Variants in USP37 observed in about 807,000 individuals in gnomAD.
The protein encoded by USP37 is ubiquitin carboxyl-terminal hydrolase 37.
Under a neutral mutation model 124.0 loss-of-function variants are expected in USP37, and 27 were observed. That is an observed-to-expected ratio of 0.22 (90% CI 0.16 to 0.30). The LOEUF (loss-of-function observed/expected upper bound fraction) is 0.30, where lower values mean the gene tolerates loss of function less well. Ranked by LOEUF, USP37 falls within the 10% of genes least tolerant of loss-of-function variation. The probability of loss-of-function intolerance (pLI) is 1.00; values close to 1 mark genes in which losing one functional copy is unlikely to be tolerated. For synonymous variants in USP37, 365 were observed against 388.0 expected, an observed-to-expected ratio of 0.94 and a Z score of 0.70; for missense variants, 889 against 1,140.4, an observed-to-expected ratio of 0.78 and a Z score of 3.17.
At chr2:218,545,807 A>G (rs532293366) in intron 8 of USP37, among the ~76,000 whole-genome samples, 2 of 152,318 alleles carry the variant, frequency 1.3e-5, no homozygotes, top group East Asian at 3.9e-4. Context: ...TGCCTAGAAC[A>G]CATAGGCTCA....
chr2:218,469,814 C>CTTTTTTTTTTTTTTTTTT (rs71064451), intron 20 of USP37, among the ~76,000 whole-genome samples: 1 of 64,646 alleles, frequency 1.5e-5, no homozygotes. Flanking sequence ...ACTCAACATT[C>CTTTTTTTTTTTTTTTTTT]TTTTTTTTTT....
chr2:218,524,170 T>C (rs1690820657), intron 10 of USP37, among the ~76,000 whole-genome samples: 1 of 152,234 alleles, frequency 6.6e-6, no homozygotes, highest in Non-Finnish European at 1.5e-5. Context: ...TAAAATTTTA[T>C]TTTGGATTTT....
At chr2:218,478,618 A>G (rs1394736383) in intron 18 of USP37, among the ~76,000 whole-genome samples, 1 of 152,244 alleles carries the variant, frequency 6.6e-6, no homozygotes, top group Non-Finnish European at 1.5e-5. Flanking sequence ...ATGATGCCCA[A>G]TGAAATCATT....
In USP37 at chr2:218,454,745, CA is replaced by C. The variant is rs1176845462; in HGVS notation, c.*184del. 2 of 1,285,878 alleles carry C rather than the reference CA, an allele frequency of 1.6e-6. No homozygotes were observed. The highest frequency in any genetic ancestry group is 5.3e-5 in the East Asian group (2 of 38,074). The allele number at this position is 1,285,878 out of a possible 1,614,324, so 79.7% of individuals were successfully genotyped here. ...GGATAATCAGCTACGGATGTGAGAC[CA>C]AAGTTTCCATAAAATAGCATGGAGC... On this transcript the variant is annotated 3_prime_UTR_variant, in exon 26 of 26. Coordinates refer to ENST00000258399, the MANE Select transcript of USP37 (RefSeq NM_020935.3).
chr2:218,451,371 C>T lies in USP37; in HGVS notation c.*3559G>A, dbSNP rs1182316175. 6.6e-6 allele frequency: 1 copy of T among 152,150 alleles called. No homozygotes were observed. Among genetic ancestry groups the T allele is most frequent in the Non-Finnish European group, 1.5e-5 (1 of 68,034 alleles). 9.4% of individuals were successfully genotyped at this position (152,150 alleles called of 1,614,324 possible). ...GCCCCCTGTTTAAAACAAAAGACCA[C>T]CTCGGGGGGTCAATTAAATTAAAAA... On this transcript the variant is annotated 3_prime_UTR_variant, in exon 26 of 26. Transcript: ENST00000258399.
chr2:218,556,891 C>T (rs1219515665), intron 4 of USP37, among the ~76,000 whole-genome samples: 3 of 151,924 alleles, frequency 2.0e-5, no homozygotes, highest in Admixed American at 2.0e-4. Flanking sequence ...CCCCCAACCA[C>T]CCTGTTTCTT....
chr2:218,479,603 C>A (rs777444060), intron 18 of USP37, 47 bp downstream of exon 18: 1 of 1,551,398 alleles, frequency 6.4e-7, no homozygotes, highest in Non-Finnish European at 8.9e-7. Context: ...TTAGGGTAAG[C>A]CAAAACCTTA....
intron 11 of USP37, among the ~76,000 whole-genome samples, chr2:218,499,266 T>A (rs752148543): frequency 6.0e-5 from 9 of 149,232 alleles, no homozygotes; most frequent in Non-Finnish European, 1.3e-4. Flanking sequence ...AGAGCAAGAC[T>A]ATGTTTTTTA....
Position 218,544,386 on chromosome 2 carries a change from C to CAAAA in USP37, c.680+1831_680+1834dup, listed in dbSNP as rs1163366372. ...GGTGACAGAACAAGACTCCGTTTCA[C>CAAAA]AAAAAAAAAAAAAAAAAAAAATATA... On this transcript the variant is annotated intron_variant, in intron 8 of 25. Coordinates refer to ENST00000258399, the MANE Select transcript of USP37 (RefSeq NM_020935.3). 2.5e-3 allele frequency among the ~76,000 whole-genome samples: 65 copies of CAAAA among 25,784 alleles called. 2 individuals are homozygous for CAAAA. The highest frequency in any genetic ancestry group is 6.0e-3 in the African/African-American group (16 of 2,658). The allele number at this position is 25,784 out of a possible 152,430, so 16.9% of individuals were successfully genotyped here. A position where few individuals can be genotyped will look rare whatever the true frequency, so the allele number is the denominator to read the frequency against.
At chr2:218,464,257 C>CA (rs1397069489) in intron 21 of USP37, among the ~76,000 whole-genome samples, 1 of 150,400 alleles carries the variant, frequency 6.6e-6, no homozygotes, top group Non-Finnish European at 1.5e-5. Flanking sequence ...TTTTTTGAGA[C>CA]AGAGTCTTGC....
At chr2:218,497,901 T>C in intron 12 of USP37, 44 bp from the exon 13 acceptor site, 1 of 1,591,094 alleles carries the variant, frequency 6.3e-7, no homozygotes, top group Non-Finnish European at 8.5e-7. Context: ...TTACATGACA[T>C]GGCGTGATAT....
intron 8 of USP37, among the ~76,000 whole-genome samples, chr2:218,544,422 T>TAGAGAGAGAG (rs1262801588): frequency 9.4e-4 from 53 of 56,310 alleles, no homozygotes; most frequent in Admixed American, 7.8e-3. Context: ...TATATATATA[T>TAGAGAGAGAG]ATATATATAG....
chr2:218,551,325 C>T (rs1692654438), intron 5 of USP37, among the ~76,000 whole-genome samples: 1 of 152,222 alleles, frequency 6.6e-6, no homozygotes, highest in Non-Finnish European at 1.5e-5. Flanking sequence ...TGCCCAAGAT[C>T]ACAGAATGAA....
chr2:218,484,863 A>G (rs1243681624), intron 16 of USP37, among the ~76,000 whole-genome samples: 1 of 152,224 alleles, frequency 6.6e-6, no homozygotes, highest in Non-Finnish European at 1.5e-5. Context: ...ATTCTTGGAA[A>G]GAACTAAAAG....
intron 20 of USP37, among the ~76,000 whole-genome samples, chr2:218,467,156 A>T (rs978943222): frequency 2.0e-5 from 3 of 151,832 alleles, no homozygotes; most frequent in Non-Finnish European, 4.4e-5. Flanking sequence ...ACATTCAGGA[A>T]GGTAAGAAAT....
rs1004083374 is a variant in USP37 at position 218,453,331 on chromosome 2, C to T, written c.*1599G>A. 3 of 151,958 alleles carry T rather than the reference C, an allele frequency of 2.0e-5. No homozygotes were observed. The highest frequency in any genetic ancestry group is 7.3e-5 in the African/African-American group (3 of 41,362). The allele number at this position is 151,958 out of a possible 1,614,324, so 9.4% of individuals were successfully genotyped here. On this transcript the variant is annotated 3_prime_UTR_variant, in exon 26 of 26. Transcript: ENST00000258399. Reference sequence around the variant, plus strand: ...AGACTGCAGTGCAATGATGCGATCTCAGCTCACTGCAACCTCTGCCTCCTG... The same window carrying T: ...AGACTGCAGTGCAATGATGCGATCTTAGCTCACTGCAACCTCTGCCTCCTG...
chr2:218,565,742 T>C (rs888139158), intron 1 of USP37, among the ~76,000 whole-genome samples: 7 of 152,190 alleles, frequency 4.6e-5, no homozygotes, highest in Admixed American at 2.0e-4. Flanking sequence ...TAATCACACA[T>C]GTAAATATAT....
chr2:218,495,690 G>A (rs1689046647), intron 14 of USP37, 70 bp downstream of exon 14: 1 of 1,477,596 alleles, frequency 6.8e-7, no homozygotes, highest in Non-Finnish European at 9.1e-7. Context: ...CATTTGGTAT[G>A]TCATAGAAGA....
chr2:218,469,046 C>T (rs1054297157), intron 20 of USP37, among the ~76,000 whole-genome samples: 7 of 152,152 alleles, frequency 4.6e-5, no homozygotes, highest in African/African-American at 1.4e-4. Flanking sequence ...TTACAGCATC[C>T]TGGCTTTAGA....
Sources: gnomAD v4.1 joint callset for allele counts (sites outside exome capture counted in the v4.1 genomes callset) on GRCh38, gnomAD v4.1.1 for gene constraint, MANE v1.5 for transcripts, NCBI Gene and HGNC (gene_info 2026-07-23, HGNC 2026-07-21) for gene names.